Variants in KIF16B observed in about 807,000 individuals in gnomAD.
KIF16B encodes kinesin family member 16B, also known as kinesin-like protein KIF16B.
KIF16B carries 98 observed loss-of-function variants against 156.3 expected under a neutral mutation model. The ratio of observed to expected loss-of-function variants is 0.63; its 90% confidence interval spans 0.53 to 0.74. The LOEUF (loss-of-function observed/expected upper bound fraction) is 0.74. KIF16B is among the 30% of genes least tolerant of loss of function. The probability of loss-of-function intolerance (pLI) is 0.00; values close to 1 mark genes in which losing one functional copy is unlikely to be tolerated. For missense variants in KIF16B, 1,421 were observed against 1,606.5 expected (o/e 0.88, Z 1.97); for synonymous variants, 564 against 583.7 (o/e 0.97, Z 0.49).
Position 16,273,345 on chromosome 20 carries a change from C to T in KIF16B, c.3862G>A (p.Val1288Met). The change falls in exon 26 of 26, where the codon GTG (valine) becomes ATG (methionine). Residue 1288 changes from valine (V) to methionine (M), a missense_variant. By Grantham distance (21) the Val-to-Met change is conservative (BLOSUM62 1). Transcript: ENST00000354981. ...GTATGTTTCGAGAGAGTCAGTCCCACTTTGTTGATGTGGAGGGGAGATGTT... is the reference window on the plus strand; with the variant it reads ...GTATGTTTCGAGAGAGTCAGTCCCATTTTGTTGATGTGGAGGGGAGATGTT... Reference protein sequence around the residue: ...SATSPLHINKVGLTLSKHTIC... With the variant: ...SATSPLHINKMGLTLSKHTIC... The T allele has an allele frequency of 6.2e-7, 1 of 1,613,918 alleles. No homozygotes were observed. Among genetic ancestry groups the T allele is most frequent in the Non-Finnish European group, 8.5e-7 (1 of 1,179,796 alleles).
intron 25 of KIF16B, among the ~76,000 whole-genome samples, chr20:16,309,334 C>T (rs1429392847): frequency 6.6e-6 from 1 of 152,138 alleles, no homozygotes; most frequent in Non-Finnish European, 1.5e-5. Flanking sequence ...CATTCTTACT[C>T]TTGCCTTTAT....
intron 1 of KIF16B, among the ~76,000 whole-genome samples, chr20:16,546,273 T>C (rs2070401787): frequency 6.6e-6 from 1 of 152,210 alleles, no homozygotes; most frequent in South Asian, 2.1e-4. Flanking sequence ...ACACTGTGGT[T>C]ATTGAGCTGC....
chr20:16,282,032 CTTTTTTTTTTTT>C, intron 25 of KIF16B, among the ~76,000 whole-genome samples: 1 of 120,864 alleles, frequency 8.3e-6, no homozygotes, highest in South Asian at 3.0e-4. Context: ...TTTTCTGTTT[CTTTTTTTTTTTT>C]TTTTTGAGAC....
At chr20:16,543,070 C>T (rs1284894361) in intron 1 of KIF16B, among the ~76,000 whole-genome samples, 3 of 152,268 alleles carry the variant, frequency 2.0e-5, no homozygotes, top group African/African-American at 7.2e-5. Context: ...CCCGGACCTA[C>T]CAAGTAAGAA....
intron 1 of KIF16B, among the ~76,000 whole-genome samples, chr20:16,552,329 T>C (rs2147299013): frequency 6.6e-6 from 1 of 152,264 alleles, no homozygotes; most frequent in Non-Finnish European, 1.5e-5. Context: ...GTGGATAAAA[T>C]CATATCACGC....
intron 23 of KIF16B, among the ~76,000 whole-genome samples, chr20:16,337,074 C>T (rs977791519): frequency 2.6e-5 from 4 of 152,212 alleles, no homozygotes; most frequent in African/African-American, 9.6e-5. Flanking sequence ...TAGAAAAAGA[C>T]CTACATTTTT....
At chr20:16,452,318 C>T (rs147760697) in intron 12 of KIF16B, among the ~76,000 whole-genome samples, 1 of 151,944 alleles carries the variant, frequency 6.6e-6, no homozygotes, top group African/African-American at 2.4e-5. Flanking sequence ...CTCACAGGAC[C>T]CTCATGCTAA....
rs756115411 is a variant in KIF16B at position 16,508,023 on chromosome 20, C to A, written c.634G>T (p.Ala212Ser). ...CTGACGTCGTTCATCCCAGTCGCTGCGGTGGTCCGGTTGATATTGCCCGCA... is the reference window on the plus strand; with the variant it reads ...CTGACGTCGTTCATCCCAGTCGCTGAGGTGGTCCGGTTGATATTGCCCGCA... ...MDAGNINRTT[A>S]ATGMNDVSSR... The change falls in exon 7 of 26, where the codon GCA becomes TCA. Residue 212 changes from alanine to serine, a missense_variant. Coordinates refer to ENST00000354981, the MANE Select transcript of KIF16B (RefSeq NM_024704.5). 1.2e-6 allele frequency: 2 copies of A among 1,613,994 alleles called. No homozygotes were observed. The highest frequency in any genetic ancestry group is 1.7e-6 in the Non-Finnish European group (2 of 1,179,986).
At position 16,378,806 on chromosome 20, in the gene KIF16B, T is replaced by A. The variant is rs755669517; in HGVS notation, c.3196A>T (p.Arg1066Trp). ...CACACCCTTCCTTCCCAATCTCACC[T>A]CTCCTGGTCCTTCTCCAGGGCTTCC... The part of the protein sequence containing the change: ...EQEALEKDQE[R>W]LEYEIQQLKQ... Residue 1066 changes from arginine to tryptophan, a missense_variant and splice_region_variant, in exon 19 of 26, where the codon AGG (arginine) becomes TGG (tryptophan). Transcript: ENST00000354981. 2 of 1,595,998 alleles carry A rather than the reference T, an allele frequency of 1.3e-6. No homozygotes were observed. The highest frequency in any genetic ancestry group is 4.5e-5 in the East Asian group (2 of 44,620).
chr20:16,320,608 A>G (rs1163671396), intron 24 of KIF16B, among the ~76,000 whole-genome samples: 1 of 152,224 alleles, frequency 6.6e-6, no homozygotes, highest in Non-Finnish European at 1.5e-5. Context: ...CAAAAAGTTT[A>G]TATCTAACCA....
chr20:16,493,537 A>T (rs954176422), intron 12 of KIF16B, among the ~76,000 whole-genome samples: 1 of 152,190 alleles, frequency 6.6e-6, no homozygotes, highest in East Asian at 1.9e-4. Context: ...ACCTCAACAG[A>T]TGTCAAAAAC....
chr20:16,431,337 T>C (rs562779088), intron 12 of KIF16B, among the ~76,000 whole-genome samples: 1 of 152,314 alleles, frequency 6.6e-6, no homozygotes, highest in African/African-American at 2.4e-5. Flanking sequence ...CCAAAGTCTT[T>C]GTGATGTTCT....
chr20:16,498,361 A>T (rs1362697489), intron 10 of KIF16B, among the ~76,000 whole-genome samples: 1 of 152,042 alleles, frequency 6.6e-6, no homozygotes, highest in Admixed American at 6.6e-5. Flanking sequence ...TCCTTTTCTC[A>T]TGGCCTAAGA....
chr20:16,312,249 T>G (rs2063629927), intron 25 of KIF16B, 86 bp downstream of exon 25: 3 of 921,370 alleles, frequency 3.3e-6, no homozygotes, highest in Non-Finnish European at 5.1e-6. Context: ...GTGAAGAAAT[T>G]TAATAGTATT....
chr20:16,339,468 C>T (rs2064102339), intron 23 of KIF16B, among the ~76,000 whole-genome samples: 1 of 152,242 alleles, frequency 6.6e-6, no homozygotes. Context: ...GTGACCTCAT[C>T]CCATCTCACG....
At chr20:16,390,855 T>C (rs2065346025) in intron 17 of KIF16B, among the ~76,000 whole-genome samples, 1 of 151,972 alleles carries the variant, frequency 6.6e-6, no homozygotes, top group African/African-American at 2.4e-5. Context: ...GGACTCTGAG[T>C]AGAATAAAGA....
intron 1 of KIF16B, among the ~76,000 whole-genome samples, chr20:16,547,325 A>G (rs2070452195): frequency 6.6e-6 from 1 of 152,186 alleles, no homozygotes. Flanking sequence ...CATTAATATC[A>G]TGGCTCATGC....
chr20:16,412,843 T>C (rs2065992853), intron 15 of KIF16B, among the ~76,000 whole-genome samples: 1 of 152,108 alleles, frequency 6.6e-6, no homozygotes, highest in Non-Finnish European at 1.5e-5. Flanking sequence ...CTTATATGTA[T>C]ACTTAAAATG....
At chr20:16,373,428 G>A (rs563199928) in intron 20 of KIF16B, among the ~76,000 whole-genome samples, 5 of 152,250 alleles carry the variant, frequency 3.3e-5, no homozygotes, top group Non-Finnish European at 7.4e-5. Context: ...GGTAATCATT[G>A]TTTTCTTACA....
Sources: gnomAD v4.1 joint callset for allele counts (sites outside exome capture counted in the v4.1 genomes callset) on GRCh38, gnomAD v4.1.1 for gene constraint, MANE v1.5 for transcripts, NCBI Gene and HGNC (gene_info 2026-07-23, HGNC 2026-07-21) for gene names.